HDAC5: variants seen among roughly 807,000 people sequenced by gnomAD.
The protein encoded by HDAC5 is antigen NY-CO-9.
HDAC5 carries 25 observed loss-of-function variants against 133.3 expected under a neutral mutation model. The observed-to-expected ratio is 0.19, with a 90% CI of 0.14 to 0.26. HDAC5 has a LOEUF of 0.26. Among genes scored for constraint, HDAC5 ranks in the 10% least tolerant of loss-of-function variants. HDAC5 has a pLI of 1.00. For synonymous variants in HDAC5, 589 were observed against 610.8 expected, an observed-to-expected ratio of 0.96 and a Z score of 0.53; for missense variants, 1,041 against 1,460.5, an observed-to-expected ratio of 0.71 and a Z score of 4.68.
chr17:44,104,943 G>A (rs1229255369), intron 3 of HDAC5, among the ~76,000 whole-genome samples: 3 of 152,154 alleles, frequency 2.0e-5, no homozygotes, highest in Non-Finnish European at 4.4e-5. Context: ...GTCAGGGAAG[G>A]AAAGGCCTGA....
intron 1 of HDAC5, among the ~76,000 whole-genome samples, chr17:44,119,109 A>G (rs1053861069): frequency 1.3e-5 from 2 of 152,196 alleles, no homozygotes; most frequent in Admixed American, 6.5e-5. Flanking sequence ...AAGGGGCTAA[A>G]TTGCTCCTGA....
intron 3 of HDAC5, 108 bp downstream of exon 3, chr17:44,110,621 G>C: frequency 1.1e-6 from 1 of 875,130 alleles, no homozygotes; most frequent in Non-Finnish European, 1.9e-6. Context: ...AAACTCTCAA[G>C]ACAGATCTAT....
At chr17:44,107,366 TG>T (rs2052024155) in intron 3 of HDAC5, among the ~76,000 whole-genome samples, 1 of 152,106 alleles carries the variant, frequency 6.6e-6, no homozygotes, top group Non-Finnish European at 1.5e-5. Context: ...CCCAACACTG[TG>T]GGGAGGCTGA....
intron 3 of HDAC5, among the ~76,000 whole-genome samples, chr17:44,097,229 C>T (rs2051327522): frequency 6.6e-6 from 1 of 152,276 alleles, no homozygotes; most frequent in African/African-American, 2.4e-5. Flanking sequence ...CCTCTGGAAC[C>T]CCCTGCAGGC....
At chr17:44,106,913 T>G (rs1214086573) in intron 3 of HDAC5, among the ~76,000 whole-genome samples, 1 of 151,392 alleles carries the variant, frequency 6.6e-6, no homozygotes, top group Non-Finnish European at 1.5e-5. Flanking sequence ...GACACCTGAG[T>G]TCAAATTCCA....
rs1342873180 is a variant in HDAC5 at position 44,080,392 on chromosome 17, A to G, written c.2825+9T>C. On this transcript the variant is annotated intron_variant, in intron 22 of 26. Coordinates refer to ENST00000682912, the MANE Select transcript of HDAC5 (RefSeq NM_005474.5). ...CCCACTGACTACCATGGCCCTTTTC[A>G]GTCCCTACCTGAAGGCTGTAAGGTA... is the stretch of plus-strand genomic sequence containing the variant. The G allele has an allele frequency of 1.2e-6, 2 of 1,612,936 alleles. No homozygotes were observed. The highest frequency in any genetic ancestry group is 1.3e-5 in the African/African-American group (1 of 74,980).
intron 1 of HDAC5, among the ~76,000 whole-genome samples, chr17:44,121,714 T>A (rs1013123206): frequency 6.6e-6 from 1 of 151,848 alleles, no homozygotes; most frequent in Non-Finnish European, 1.5e-5. Flanking sequence ...AAGCAAACCT[T>A]TGTCTCTGCA....
chr17:44,121,829 G>A (rs1412356545), intron 1 of HDAC5, among the ~76,000 whole-genome samples: 1 of 152,118 alleles, frequency 6.6e-6, no homozygotes, highest in Non-Finnish European at 1.5e-5. Flanking sequence ...GGCTGGCACA[G>A]AACTAACATT....
intron 11 of HDAC5, among the ~76,000 whole-genome samples, chr17:44,089,130 C>T (rs1260285651): frequency 6.6e-6 from 1 of 152,198 alleles, no homozygotes; most frequent in Non-Finnish European, 1.5e-5. Flanking sequence ...AGCCCTTGCA[C>T]ACAACCTGTC....
chr17:44,116,527 C>T (rs1598040177), intron 2 of HDAC5, among the ~76,000 whole-genome samples: 1 of 152,174 alleles, frequency 6.6e-6, no homozygotes, highest in South Asian at 2.1e-4. Flanking sequence ...CATCCTAGGC[C>T]CCAATTGCCC....
Position 44,107,765 on chromosome 17 carries a change from A to T in HDAC5, c.94+2964T>A, listed in dbSNP as rs531885230. ...GCCAAACCCAGAAAGACTGAAGAGC[A>T]CGAACACGAATATCCAGGGAAAGCC... On this transcript the variant is annotated intron_variant, in intron 3 of 26. Transcript: ENST00000682912. 2.6e-5 allele frequency among the ~76,000 whole-genome samples: 4 copies of T among 152,250 alleles called. No individual in the cohort carries two copies. The South Asian group carries it at 8.3e-4, about 32-fold the overall frequency.
intron 1 of HDAC5, among the ~76,000 whole-genome samples, chr17:44,118,443 T>C (rs562168376): frequency 2.0e-5 from 3 of 152,316 alleles, no homozygotes; most frequent in African/African-American, 2.4e-5. Flanking sequence ...TGCCAAGCCA[T>C]GGCCTGACAT....
intron 3 of HDAC5, among the ~76,000 whole-genome samples, chr17:44,096,596 C>A (rs1346456448): frequency 1.4e-5 from 2 of 145,126 alleles, no homozygotes; most frequent in African/African-American, 5.7e-5. Flanking sequence ...GCCTCAGCCC[C>A]GCAAGTAGCT....
chr17:44,082,552 G>T, intron 20 of HDAC5, 33 bp downstream of exon 20: 1 of 1,513,310 alleles, frequency 6.6e-7, no homozygotes, highest in Non-Finnish European at 9.2e-7. Flanking sequence ...AGCTCTACCC[G>T]CCCCTGCCCA....
At chr17:44,121,466 T>C (rs2052999657) in intron 1 of HDAC5, among the ~76,000 whole-genome samples, 1 of 117,842 alleles carries the variant, frequency 8.5e-6, no homozygotes, top group African/African-American at 3.3e-5. Flanking sequence ...CAGGAGTGCG[T>C]CCTCTAGCAG....
Position 44,078,762 on chromosome 17 carries a change from G to T in HDAC5, c.3163+33C>A, listed in dbSNP as rs759178821. On this transcript the variant is annotated intron_variant, in intron 25 of 26. Transcript: ENST00000682912. The stretch of plus-strand genomic sequence containing the variant: ...CTCCCACAAGCTCCGTGCCCCCTTG[G>T]CAGCCTGAGCCCCTCTACGTGTCCT... The T allele has an allele frequency of 9.3e-6, 15 of 1,612,002 alleles. No individual in the cohort carries two copies. In the East Asian group the frequency reaches 3.3e-4, roughly 36 times the overall value.
chr17:44,100,578 CA>C lies in HDAC5; in HGVS notation c.95-6745del, dbSNP rs869274112. On this transcript the variant is annotated intron_variant, in intron 3 of 26. Coordinates refer to ENST00000682912, the MANE Select transcript of HDAC5 (RefSeq NM_005474.5). Reference sequence around the variant, plus strand: ...TGAAACCCCGTCTCTACTAAAGATACAAAAAAAAAAAAAAAAAAAAAAATTA... The same window carrying C: ...TGAAACCCCGTCTCTACTAAAGATACAAAAAAAAAAAAAAAAAAAAAATTA... 7.2e-3 allele frequency among the ~76,000 whole-genome samples: 640 copies of C among 89,364 alleles called. 10 individuals carry two copies. The highest frequency in any genetic ancestry group is 0.029 in the African/African-American group (599 of 20,922). 58.6% of individuals were successfully genotyped at this position (89,364 alleles called of 152,430 possible).
intron 2 of HDAC5, among the ~76,000 whole-genome samples, chr17:44,114,754 T>C (rs1201122787): frequency 6.6e-6 from 1 of 152,222 alleles, no homozygotes; most frequent in African/African-American, 2.4e-5. Flanking sequence ...TGTCAGCCTT[T>C]CAGCCCCACT....
intron 2 of HDAC5, chr17:44,111,553 A>C (rs1567687043): frequency 2.0e-6 from 1 of 509,850 alleles, no homozygotes; most frequent in Non-Finnish European, 3.9e-6. Context: ...AAGAAGCCAG[A>C]CTCAAGCCTC....
Sources: allele counts gnomAD v4.1 joint callset (sites outside exome capture counted in the v4.1 genomes callset), GRCh38; gene constraint gnomAD v4.1.1; transcripts MANE v1.5; gene names NCBI Gene and HGNC (gene_info 2026-07-23, HGNC 2026-07-21).